Variants in ADH1B observed in about 807,000 individuals in gnomAD.
ADH1B encodes all-trans-retinol dehydrogenase [NAD(+)] ADH1B.
Under a neutral mutation model 34.6 loss-of-function variants are expected in ADH1B, and 29 were observed. The ratio of observed to expected loss-of-function variants is 0.84; its 90% CI spans 0.62 to 1.14. ADH1B has a LOEUF of 1.14. Ranked by LOEUF, ADH1B falls within the 50% of genes most tolerant of loss-of-function variation. The probability of loss-of-function intolerance (pLI) is 0.00; values close to 1 mark genes in which losing one functional copy is unlikely to be tolerated. For missense variants in ADH1B, 424 were observed against 468.4 expected (o/e 0.91, Z 0.87); for synonymous variants, 170 against 175.5 (o/e 0.97, Z 0.25).
At chr4:99,309,661 C>T (rs376178336) in intron 8 of ADH1B, among the ~76,000 whole-genome samples, 9 of 151,974 alleles carry the variant, frequency 5.9e-5, no homozygotes, top group East Asian at 1.9e-4. Context: ...TCTTGAGGGG[C>T]GGTGTGGTTT....
At chr4:99,308,619 A>T (rs1229986) in intron 8 of ADH1B, among the ~76,000 whole-genome samples, 6,198 of 152,028 alleles carry the variant, frequency 0.041, 146 homozygotes, top group Admixed American at 0.056. Flanking sequence ...CTATAAACCA[A>T]CTTCTCATGA....
rs1733756123 is a variant in ADH1B at position 99,311,612 on chromosome 4, G to A, written c.873C>T (p.Val291=). The part of the protein sequence containing the change: ...LCCHEACGTS[V]IVGVPPASQN... ...GGGAAGCAGGAGGTACCCCTACGAT[G>A]ACGCTTGTGCCACATGCCTCATGAC... Residue 291 remains valine, a synonymous_variant, in exon 7 of 9, where the codon GTC becomes GTT. Coordinates refer to ENST00000305046, the MANE Select transcript of ADH1B (RefSeq NM_000668.6). The A allele has an allele frequency of 1.2e-6, 2 of 1,614,022 alleles. No individual in the cohort carries two copies. The highest frequency in any genetic ancestry group is 1.7e-6 in the Non-Finnish European group (2 of 1,179,950).
Position 99,307,663 on chromosome 4 carries a change from T to C in ADH1B, c.*177A>G. Reference sequence around the variant, plus strand: ...CTTTATTTACTTCTCACTTGAATTTTAAATTTTCCTGAAAAATAATTTCCC... The same window carrying C: ...CTTTATTTACTTCTCACTTGAATTTCAAATTTTCCTGAAAAATAATTTCCC... On this transcript the variant is annotated 3_prime_UTR_variant, in exon 9 of 9. Transcript: ENST00000305046. 1 of 828,174 alleles carries C rather than the reference T, an allele frequency of 1.2e-6. No individual in the cohort carries two copies. The highest frequency in any genetic ancestry group is 1.9e-6 in the Non-Finnish European group (1 of 521,100). 51.3% of individuals were successfully genotyped at this position (828,174 alleles called of 1,614,324 possible).
chr4:99,316,007 A>G lies in ADH1B; in HGVS notation c.458T>C (p.Val153Ala). ...GTSTFSQYTV[V>A]DENAVAKIDA... The stretch of plus-strand genomic sequence containing the variant: ...AATTTTGGCCACTGCATTCTCATCC[A>G]CCACCGTGTACTGGGAGAAGGTGCT... The change falls in exon 5 of 9, where the codon GTG becomes GCG. Residue 153 changes from valine (V) to alanine (A), a missense_variant. Coordinates refer to ENST00000305046, the MANE Select transcript of ADH1B (RefSeq NM_000668.6). 1 of 1,614,178 alleles carries G rather than the reference A, an allele frequency of 6.2e-7. No individual in the cohort carries two copies. The highest frequency in any genetic ancestry group is 8.5e-7 in the Non-Finnish European group (1 of 1,180,020).
At chr4:99,311,697 G>T (rs369838110) in intron 6 of ADH1B, 41 bp from the exon 7 acceptor site, 3 of 1,607,620 alleles carry the variant, frequency 1.9e-6, no homozygotes, top group South Asian at 1.1e-5. Context: ...ACGTGGAGTC[G>T]CATAGTTCCT....
At chr4:99,317,930 G>C (rs1733925337) in intron 3 of ADH1B, 116 bp downstream of exon 3, 2 of 1,519,252 alleles carry the variant, frequency 1.3e-6, no homozygotes, top group Admixed American at 4.3e-5. Context: ...CTGAAGTCCT[G>C]GCTGCGCGGT....
chr4:99,312,675 A>G (rs375911180), intron 6 of ADH1B, among the ~76,000 whole-genome samples: 30 of 152,338 alleles, frequency 2.0e-4, no homozygotes, highest in African/African-American at 6.3e-4. Flanking sequence ...CAAGATTGGA[A>G]ATAGTATTTC....
intron 5 of ADH1B, 161 bp from the exon 6 acceptor site, chr4:99,314,242 A>T: frequency 8.4e-7 from 1 of 1,185,046 alleles, no homozygotes; most frequent in African/African-American, 1.5e-5. Context: ...TTATTTTTAA[A>T]TTCAAGGGGA....
At chr4:99,321,257 C>G in intron 1 of ADH1B, 57 bp downstream of exon 1, 1 of 1,443,104 alleles carries the variant, frequency 6.9e-7, no homozygotes, top group Non-Finnish European at 9.7e-7. Context: ...TACTGTATTC[C>G]TTTCTTTGTT....
At chr4:99,312,200 C>T (rs985036443) in intron 6 of ADH1B, among the ~76,000 whole-genome samples, 3 of 152,144 alleles carry the variant, frequency 2.0e-5, no homozygotes, top group Non-Finnish European at 2.9e-5. Context: ...TAAAGATCCC[C>T]GTAGGAATAT....
At chr4:99,315,769 C>G (rs1733865476) in intron 5 of ADH1B, 129 bp downstream of exon 5, 4 of 1,145,762 alleles carry the variant, frequency 3.5e-6, no homozygotes, top group Non-Finnish European at 5.0e-6. Context: ...TCTTTCTGGG[C>G]CATTTTTCTA....
chr4:99,313,720 T>C, intron 6 of ADH1B, 101 bp downstream of exon 6: 2 of 1,573,600 alleles, frequency 1.3e-6, no homozygotes, highest in Non-Finnish European at 1.7e-6. Flanking sequence ...TTTCCATTCA[T>C]CATTAAAAAT....
At position 99,321,354 on chromosome 4, in the gene ADH1B, A is replaced by T; in HGVS notation, c.-23T>A. The T allele has an allele frequency of 1.9e-6, 3 of 1,610,680 alleles. No homozygotes were observed. The highest frequency in any genetic ancestry group is 2.5e-6 in the Non-Finnish European group (3 of 1,177,774). On this transcript the variant is annotated 5_prime_UTR_variant, in exon 1 of 9. Transcript: ENST00000305046. The stretch of plus-strand genomic sequence containing the variant: ...CATGTCGTTTCTGTCTTCTCTGCCC[A>T]CCAGCAGACTGTGAGTCTTTGTGGA...
At chr4:99,308,004 G>A in intron 8 of ADH1B, 140 bp from the exon 9 acceptor site, 1 of 1,108,232 alleles carries the variant, frequency 9.0e-7, no homozygotes. Context: ...CCATACATTT[G>A]GTTCAAGAAA....
rs1411240965 is a variant in ADH1B at position 99,316,019 on chromosome 4, T to C, written c.446A>G (p.Gln149Arg). The change falls in exon 5 of 9, where the codon CAG becomes CGG. Residue 149 changes from glutamine to arginine, a missense_variant. By Grantham distance (43) the Gln-to-Arg change is conservative. Transcript: ENST00000305046. ...HHFLGTSTFS[Q>R]YTVVDENAVA... ...TGCATTCTCATCCACCACCGTGTAC[T>C]GGGAGAAGGTGCTGGTGCCAAGGAA... 2 of 1,614,224 alleles carry C rather than the reference T, an allele frequency of 1.2e-6. No homozygotes were observed. The highest frequency in any genetic ancestry group is 2.2e-5 in the South Asian group (2 of 91,076).
At position 99,318,130 on chromosome 4, in the gene ADH1B, C is replaced by T. The variant is rs1733934481; in HGVS notation, c.175G>A (p.Val59Met). The change falls in exon 3 of 9, where the codon GTG (valine) becomes ATG (methionine). Residue 59 changes from valine to methionine, a missense_variant. By Grantham distance (21) the Val-to-Met change is conservative. Around this residue, in one of 3 missense-constraint regions of ADH1B, gnomAD observed 291 missense variants for 300.4 expected, o/e 0.97. Transcript: ENST00000305046. ...CCTAAAATCACAGGAAGGGGGGTCA[C>T]CAGGTTGCCACTAACCACGTGGTCA... is the stretch of plus-strand genomic sequence containing the variant. Reference protein sequence around the residue: ...TDDHVVSGNLVTPLPVILGHE... With the variant: ...TDDHVVSGNLMTPLPVILGHE... 1 of 1,613,954 alleles carries T rather than the reference C, an allele frequency of 6.2e-7. No homozygotes were observed. Among genetic ancestry groups the T allele is most frequent in the Non-Finnish European group, 8.5e-7 (1 of 1,180,004 alleles).
In ADH1B at chr4:99,316,306, G is replaced by C. The variant is rs540222176; in HGVS notation, c.260-4C>G. On this transcript the variant is annotated splice_region_variant and splice_polypyrimidine_tract_variant and intron_variant, in intron 3 of 8. Transcript: ENST00000305046. ...AAGAGCGGGATGACTTTATCACCTG[G>C]AGAGGAATAAAACAAGTTCTTCTTA... is the stretch of plus-strand genomic sequence containing the variant. 3.8e-5 allele frequency: 62 copies of C among 1,612,142 alleles called. No homozygotes were observed. The South Asian group carries it at 6.3e-4, about 16-fold the overall frequency.
intron 1 of ADH1B, 151 bp from the exon 2 acceptor site, chr4:99,319,037 G>T (rs941134545): frequency 9.2e-6 from 8 of 866,308 alleles, no homozygotes; most frequent in African/African-American, 6.7e-5. Context: ...TTTATAAAGA[G>T]AATAAAAGTA....
At chr4:99,314,278 TG>T in intron 5 of ADH1B, 197 bp from the exon 6 acceptor site, 1 of 846,822 alleles carries the variant, frequency 1.2e-6, no homozygotes, top group Non-Finnish European at 1.8e-6. Context: ...GTTTTCAAAC[TG>T]ATGCATATTA....
Sources: gnomAD v4.1 joint callset for allele counts (sites outside exome capture counted in the v4.1 genomes callset) on GRCh38, gnomAD v4.1.1 for gene constraint, gnomAD v4.1.1 regional missense constraint, MANE v1.5 for transcripts, NCBI Gene and HGNC (gene_info 2026-07-23, HGNC 2026-07-21) for gene names.